The following MROH2A variants were observed in gnomAD, a reference collection of about 807,000 sequenced individuals.
The protein encoded by MROH2A is maestro heat like repeat family member 2A.
In MROH2A, 174 loss-of-function variants were observed where a neutral mutation model predicts 200.4. That is an observed-to-expected ratio of 0.87 (90% CI 0.77 to 0.98). The LOEUF (loss-of-function observed/expected upper bound fraction) is 0.98, where lower values mean the gene tolerates loss of function less well. Ranked by LOEUF, MROH2A falls within the 50% of genes least tolerant of loss-of-function variation. MROH2A has a pLI of 0.00. For synonymous variants in MROH2A, 829 were observed against 840.4 expected (o/e 0.99, Z 0.23); for missense variants, 2,045 against 2,139.6 (o/e 0.96, Z 0.87).
chr2:233,798,639 G>C, intron 11 of MROH2A, 135 bp from the exon 12 acceptor site: 1 of 666,262 alleles, frequency 1.5e-6, no homozygotes, highest in Non-Finnish European at 2.8e-6. Context: ...AGCATGGCCA[G>C]GGAGGCTCCT....
chr2:233,780,556 T>G (rs1031041700), intron 3 of MROH2A, among the ~76,000 whole-genome samples: 4 of 152,368 alleles, frequency 2.6e-5, no homozygotes, highest in Middle Eastern at 3.4e-3. Context: ...TTATTATTTT[T>G]GTTGGATTTG....
intron 10 of MROH2A, 26 bp downstream of exon 10, chr2:233,796,071 C>G: frequency 6.5e-7 from 1 of 1,548,234 alleles, no homozygotes; most frequent in Non-Finnish European, 8.7e-7. Flanking sequence ...AGGGTGCTCC[C>G]TGCCTGCCCC....
rs550369531 is a variant in MROH2A at position 233,792,481 on chromosome 2, T to A, written c.572-315T>A. On this transcript the variant is annotated intron_variant, in intron 5 of 41. Coordinates refer to ENST00000389758, the MANE Select transcript of MROH2A (RefSeq NM_001394639.1). ...GCGCCTGCCAACACGCCCGGCCAAT[T>A]TTTTGTATTTTTAGTAGAGACGGGG... Among the ~76,000 whole-genome samples, 3 of 151,964 alleles carry A rather than the reference T, an allele frequency of 2.0e-5. No homozygotes were observed. In the South Asian group the frequency reaches 6.3e-4, roughly 32 times the overall value.
intron 3 of MROH2A, among the ~76,000 whole-genome samples, chr2:233,780,589 CTTTTAT>C (rs1283410880): frequency 6.6e-6 from 1 of 152,002 alleles, no homozygotes; most frequent in Non-Finnish European, 1.5e-5. Context: ...CGTTTTCCCC[CTTTTAT>C]TTTTAGTTGA....
Position 233,823,038 on chromosome 2 carries a change from G to T in MROH2A, c.4004+20G>T. 6.5e-7 allele frequency: 1 copy of T among 1,549,088 alleles called. No homozygotes were observed. The highest frequency in any genetic ancestry group is 8.7e-7 in the Non-Finnish European group (1 of 1,146,570). ...GGCCAGGTGGGCCCTGGCTCCCACA[G>T]GGTGGCAGGGGGACCTGCAGAGGCA... On this transcript the variant is annotated intron_variant, in intron 34 of 41. Coordinates refer to ENST00000389758, the MANE Select transcript of MROH2A (RefSeq NM_001394639.1).
chr2:233,789,601 CT>C lies in MROH2A; in HGVS notation c.382del (p.Ser128ProfsTer4). On this transcript the variant is annotated frameshift_variant, in exon 4 of 42. Transcript: ENST00000389758. LOFTEE classifies it high-confidence loss of function. ...QCVQRLVAIA[S>X]KEMREIPEME... ...GCGTGCAGAGGCTGGTGGCCATTGC[CT>C]CCAAGGAGATGAGGGAGATCCCAGA... The C allele has an allele frequency of 6.8e-7, 1 of 1,480,626 alleles. No individual in the cohort carries two copies. Among genetic ancestry groups the C allele is most frequent in the Admixed American group, 2.5e-5 (1 of 40,014 alleles). 91.7% of individuals were successfully genotyped at this position (1,480,626 alleles called of 1,614,324 possible).
At chr2:233,811,993 G>A (rs1372534279) in intron 24 of MROH2A, 34 bp downstream of exon 24, 12 of 1,454,436 alleles carry the variant, frequency 8.3e-6, no homozygotes, top group Admixed American at 2.0e-5. Context: ...CCCATCCCAA[G>A]GGGTAGGGAA....
intron 24 of MROH2A, among the ~76,000 whole-genome samples, 161 bp from the exon 25 acceptor site, chr2:233,813,509 G>C (rs1575982594): frequency 6.6e-6 from 1 of 152,222 alleles, no homozygotes; most frequent in Non-Finnish European, 1.5e-5. Flanking sequence ...TTACTGGTCA[G>C]AGCCAGGGCC....
chr2:233,799,659 G>A (rs576666253), intron 12 of MROH2A, 121 bp from the exon 13 acceptor site: 7 of 1,262,910 alleles, frequency 5.5e-6, no homozygotes, highest in Non-Finnish European at 7.6e-6. Flanking sequence ...GCAGTAATCA[G>A]GTAGTCCCTG....
intron 11 of MROH2A, among the ~76,000 whole-genome samples, chr2:233,798,237 G>A (rs1205307679): frequency 1.3e-5 from 2 of 152,230 alleles, no homozygotes; most frequent in Admixed American, 6.5e-5. Flanking sequence ...CACTTGCCCA[G>A]CCCTTACGGT....
At chr2:233,796,152 T>C in intron 10 of MROH2A, 48 bp from the exon 11 acceptor site, 1 of 1,523,200 alleles carries the variant, frequency 6.6e-7, no homozygotes, top group Non-Finnish European at 8.9e-7. Context: ...TTGCTGGGCC[T>C]GCTCTGGACC....
At chr2:233,785,043 G>A (rs1179365522) in intron 3 of MROH2A, among the ~76,000 whole-genome samples, 2 of 152,106 alleles carry the variant, frequency 1.3e-5, no homozygotes, top group Non-Finnish European at 2.9e-5. Flanking sequence ...CTACCCGGGA[G>A]GCTGAGGCAA....
intron 31 of MROH2A, among the ~76,000 whole-genome samples, 191 bp from the exon 32 acceptor site, chr2:233,821,933 A>AG (rs1181420795): frequency 3.9e-5 from 6 of 152,122 alleles, no homozygotes; most frequent in Non-Finnish European, 7.4e-5. Flanking sequence ...GTGCAGAGAA[A>AG]GGGGGTTGAG....
chr2:233,824,778 CTA>C (rs1704191985), intron 35 of MROH2A, among the ~76,000 whole-genome samples: 3 of 152,204 alleles, frequency 2.0e-5, no homozygotes, highest in Non-Finnish European at 4.4e-5. Context: ...TAAATGCTAG[CTA>C]ATTATGGCAG....
rs1156796737 is a variant in MROH2A, at chr2:233,779,364, T to A, written c.6T>A (p.Thr2=). The change falls in exon 2 of 42, where the codon ACT becomes ACA. Residue 2 remains threonine (T), a synonymous_variant. Transcript: ENST00000389758. M[T]EAITEAAVAS... ...CAAAAGAGCTTGAGGAAGAGATGACTGAAGCCATTACAGAAGCAGCAGTAG... is the reference window on the plus strand; with the variant it reads ...CAAAAGAGCTTGAGGAAGAGATGACAGAAGCCATTACAGAAGCAGCAGTAG... 2 of 1,548,574 alleles carry A rather than the reference T, an allele frequency of 1.3e-6. No individual in the cohort carries two copies. Among genetic ancestry groups the A allele is most frequent in the Non-Finnish European group, 1.7e-6 (2 of 1,145,144 alleles).
At position 233,798,803 on chromosome 2, in the gene MROH2A, C is replaced by T. The variant is rs1311679128; in HGVS notation, c.1282C>T (p.Leu428=). Residue 428 remains leucine, a synonymous_variant, in exon 12 of 42, where the codon CTG becomes TTG. Transcript: ENST00000389758. ...EPRMSIRAIY[L]AIRVVKNTIS... ...CAGGATGAGTATCAGGGCCATCTAC[C>T]TGGCTATCCGGGTAGTCAAGAACAC... 2 of 1,550,546 alleles carry T rather than the reference C, an allele frequency of 1.3e-6. No homozygotes were observed. Among genetic ancestry groups the T allele is most frequent in the South Asian group, 1.2e-5 (1 of 84,058 alleles).
intron 14 of MROH2A, among the ~76,000 whole-genome samples, chr2:233,800,656 TG>T: frequency 6.6e-6 from 1 of 151,898 alleles, no homozygotes; most frequent in Non-Finnish European, 1.5e-5. Context: ...TGTGTGTGTG[TG>T]TCTGTGTGTA....
At chr2:233,798,739 A>ACAGCCCTC in intron 11 of MROH2A, 35 bp from the exon 12 acceptor site, 1 of 1,512,440 alleles carries the variant, frequency 6.6e-7, no homozygotes, top group Non-Finnish European at 9.0e-7. Context: ...TCCCTGAGCC[A>ACAGCCCTC]CAGCCCTCCA....
intron 22 of MROH2A, among the ~76,000 whole-genome samples, chr2:233,810,126 C>T (rs1181891067): frequency 2.6e-5 from 4 of 152,174 alleles, no homozygotes; most frequent in South Asian, 2.1e-4. Flanking sequence ...GCTCGGGGCC[C>T]CTGGTCACTG....
Sources: allele counts gnomAD v4.1 joint callset (sites outside exome capture counted in the v4.1 genomes callset), GRCh38; gene constraint gnomAD v4.1.1; transcripts MANE v1.5; gene names NCBI Gene and HGNC (gene_info 2026-07-23, HGNC 2026-07-21).